PRMT9: variants seen among roughly 807,000 people sequenced by gnomAD.
PRMT9 encodes protein arginine N-methyltransferase 9.
A neutral mutation model predicts 83.2 loss-of-function variants in PRMT9; 59 were observed. The observed-to-expected ratio is 0.71, with a 90% CI of 0.57 to 0.88. The LOEUF is 0.88. PRMT9 is among the 40% of genes least tolerant of loss of function. The probability of loss-of-function intolerance (pLI) is 0.00; values close to 1 mark genes in which losing one functional copy is unlikely to be tolerated. For missense variants in PRMT9, 947 were observed against 1,021.9 expected (o/e 0.93, Z 1.00); for synonymous variants, 333 against 353.2 (o/e 0.94, Z 0.64).
In PRMT9 at chr4:147,639,039, A is replaced by G. The variant is rs1384328102; in HGVS notation, c.2243T>C (p.Ile748Thr). The G allele has an allele frequency of 6.2e-7, 1 of 1,613,134 alleles. No individual in the cohort carries two copies. The highest frequency in any genetic ancestry group is 8.5e-7 in the Non-Finnish European group (1 of 1,179,210). ...GAGTTCCACTGGCTTGCTTAAAGGT[A>G]TACAGGGCAATGAGGATAGGTCCAA... ...VFLDLSSLPC[I>T]PLSKPVELLR... Residue 748 changes from isoleucine (I) to threonine (T), a missense_variant, in exon 11 of 12, where the codon ATA (isoleucine) becomes ACA (threonine). Transcript: ENST00000322396.
intron 9 of PRMT9, among the ~76,000 whole-genome samples, chr4:147,649,629 A>G (rs1364990549): frequency 6.6e-6 from 1 of 152,124 alleles, no homozygotes; most frequent in East Asian, 1.9e-4. Flanking sequence ...CAGCCTCCCA[A>G]GTAGCTGGGA....
intron 8 of PRMT9, 54 bp downstream of exon 8, chr4:147,657,738 G>C: frequency 7.2e-7 from 1 of 1,390,954 alleles, no homozygotes; most frequent in South Asian, 1.2e-5. Context: ...CCACTGACTT[G>C]AATACTTAGA....
intron 1 of PRMT9, among the ~76,000 whole-genome samples, chr4:147,681,756 C>T (rs1049288483): frequency 8.6e-5 from 13 of 150,930 alleles, no homozygotes; most frequent in Admixed American, 7.3e-4. Flanking sequence ...CACTGCATTC[C>T]AGCCTGCGTG....
intron 7 of PRMT9, among the ~76,000 whole-genome samples, chr4:147,659,190 A>T (rs1330032325): frequency 6.7e-6 from 1 of 149,610 alleles, no homozygotes; most frequent in African/African-American, 2.5e-5. Context: ...AAAAAAAAAA[A>T]AAGAGTTCGA....
intron 9 of PRMT9, among the ~76,000 whole-genome samples, chr4:147,645,121 A>C (rs1020685108): frequency 3.9e-5 from 6 of 152,214 alleles, no homozygotes; most frequent in African/African-American, 1.4e-4. Context: ...TTAAAAAGTA[A>C]TTCATATACA....
chr4:147,676,423 T>TA (rs935425404), intron 2 of PRMT9, among the ~76,000 whole-genome samples: 3 of 152,150 alleles, frequency 2.0e-5, no homozygotes, highest in African/African-American at 4.8e-5. Flanking sequence ...AGATTATTCA[T>TA]AAAAAAAGAT....
intron 9 of PRMT9, among the ~76,000 whole-genome samples, chr4:147,650,039 G>A (rs1733989124): frequency 6.6e-6 from 1 of 152,128 alleles, no homozygotes; most frequent in Non-Finnish European, 1.5e-5. Context: ...CATAATAAAA[G>A]CCATATATGA....
intron 9 of PRMT9, among the ~76,000 whole-genome samples, chr4:147,653,122 C>T (rs1021404296): frequency 1.3e-5 from 2 of 152,106 alleles, no homozygotes; most frequent in Admixed American, 6.6e-5. Flanking sequence ...AAGCAATGAC[C>T]AGTAGCAATA....
chr4:147,658,308 T>C (rs1421222126), intron 7 of PRMT9, among the ~76,000 whole-genome samples: 1 of 146,648 alleles, frequency 6.8e-6, no homozygotes, highest in Non-Finnish European at 1.5e-5. Flanking sequence ...TGGAGGGGGG[T>C]AGAGAGAGAG....
chr4:147,638,829 C>A, intron 11 of PRMT9, 82 bp from the exon 12 acceptor site: 2 of 1,372,152 alleles, frequency 1.5e-6, no homozygotes, highest in Non-Finnish European at 2.0e-6. Flanking sequence ...CTTTTAAATA[C>A]AAAAATTTAA....
chr4:147,654,990 T>C (rs1734384351), intron 8 of PRMT9, among the ~76,000 whole-genome samples: 1 of 152,194 alleles, frequency 6.6e-6, no homozygotes, highest in African/African-American at 2.4e-5. Context: ...AGGGACATTC[T>C]TTAAGAGAAA....
At chr4:147,647,935 A>G (rs1291961601) in intron 9 of PRMT9, among the ~76,000 whole-genome samples, 2 of 152,162 alleles carry the variant, frequency 1.3e-5, no homozygotes, top group Admixed American at 6.6e-5. Context: ...TTTGAGTTCA[A>G]TAATTTGCCA....
chr4:147,674,228 G>C (rs184840498), intron 2 of PRMT9, among the ~76,000 whole-genome samples: 8 of 152,096 alleles, frequency 5.3e-5, no homozygotes, highest in Admixed American at 3.9e-4. Flanking sequence ...TCTTTGTGGG[G>C]GCCGGCATGC....
rs76953645 is a variant in PRMT9, at chr4:147,644,236, A to C, written c.2046-1296T>G. ...TGTTTTTTCCTGAACAATTTAGCAG[A>C]TGTGGCAAAATAGTAATAGTGTATT... On this transcript the variant is annotated intron_variant, in intron 9 of 11. Transcript: ENST00000322396. 4.6e-5 allele frequency among the ~76,000 whole-genome samples: 7 copies of C among 152,192 alleles called. No homozygotes were observed. In the East Asian group the frequency reaches 1.4e-3, roughly 29 times the overall value.
In PRMT9 at chr4:147,654,988, T is replaced by G. The variant is rs1578896270; in HGVS notation, c.1331-422A>C. Among the ~76,000 whole-genome samples, 3 of 152,322 alleles carry G rather than the reference T, an allele frequency of 2.0e-5. No individual in the cohort carries two copies. In the East Asian group the frequency reaches 5.8e-4, roughly 29 times the overall value. ...ACCTCACTTTAGCTTAAAGGGACAT[T>G]CTTTAAGAGAAATGTCCAAAAGAAC... On this transcript the variant is annotated intron_variant, in intron 8 of 11. Coordinates refer to ENST00000322396, the MANE Select transcript of PRMT9 (RefSeq NM_138364.4).
chr4:147,658,961 C>T (rs78677746), intron 7 of PRMT9, among the ~76,000 whole-genome samples: 6,019 of 152,080 alleles, frequency 0.04, 404 homozygotes, highest in African/African-American at 0.14. Context: ...GGACGGATCA[C>T]GAGGCCAGGA....
At chr4:147,643,633 A>G (rs1010653281) in intron 9 of PRMT9, among the ~76,000 whole-genome samples, 1 of 152,228 alleles carries the variant, frequency 6.6e-6, no homozygotes, top group African/African-American at 2.4e-5. Flanking sequence ...CAAAGGGGGA[A>G]ACAGTAACTT....
intron 1 of PRMT9, among the ~76,000 whole-genome samples, chr4:147,682,358 T>C (rs1417381619): frequency 6.6e-6 from 1 of 152,188 alleles, no homozygotes; most frequent in Non-Finnish European, 1.5e-5. Flanking sequence ...TTTGTACTTT[T>C]AGTAGAGACG....
chr4:147,650,971 A>G lies in PRMT9; in HGVS notation c.2045+2881T>C, dbSNP rs569571418. On this transcript the variant is annotated intron_variant, in intron 9 of 11. Transcript: ENST00000322396. ...CAAAAAATTAGCCAGCTGTGGTGGC[A>G]TGCGCCTGTAGTCCCAGCTACTCGG... 3.2e-3 allele frequency among the ~76,000 whole-genome samples: 492 copies of G among 152,250 alleles called. 1 individual carries two copies. Among genetic ancestry groups the G allele is most frequent in the Non-Finnish European group, 5.4e-3 (370 of 68,002 alleles).
Sources: gnomAD v4.1 joint callset for allele counts (sites outside exome capture counted in the v4.1 genomes callset) on GRCh38, gnomAD v4.1.1 for gene constraint, MANE v1.5 for transcripts, NCBI Gene and HGNC (gene_info 2026-07-23, HGNC 2026-07-21) for gene names.